Variants in OR3A2 observed in about 807,000 individuals in gnomAD.
The protein encoded by OR3A2 is olfactory receptor family 3 subfamily A member 2, also known as olfactory receptor 3A2.
For synonymous variants in OR3A2, 126 were observed against 159.3 expected (o/e 0.79, Z 1.57); for missense variants, 318 against 392.8 (o/e 0.81, Z 1.61).
chr17:3,280,761 G>A (rs1221408363), intron 1 of OR3A2, among the ~76,000 whole-genome samples: 1 of 152,226 alleles, frequency 6.6e-6, no homozygotes, highest in Non-Finnish European at 1.5e-5. Context: ...GTGAAATGCA[G>A]AGGCAGGAAT....
At chr17:3,374,427 C>T (rs1030496845) in intron 2 of OR3A2, among the ~76,000 whole-genome samples, 4 of 152,170 alleles carry the variant, frequency 2.6e-5, no homozygotes, top group African/African-American at 9.7e-5. Context: ...TTCTCAGGAA[C>T]ACCAATTATT....
intron 2 of OR3A2, among the ~76,000 whole-genome samples, chr17:3,379,893 A>G (rs1057479473): frequency 2.6e-5 from 4 of 152,108 alleles, no homozygotes; most frequent in Non-Finnish European, 5.9e-5. Flanking sequence ...GGCTTCCCAC[A>G]CACCTCGATG....
intron 2 of OR3A2, among the ~76,000 whole-genome samples, chr17:3,350,858 G>A (rs2049414226): frequency 6.9e-6 from 1 of 145,066 alleles, no homozygotes; most frequent in African/African-American, 2.5e-5. Flanking sequence ...CTTCATCCCT[G>A]GGATGCAAGG....
At chr17:3,375,162 TTTTTTTTC>T (rs2049669829) in intron 2 of OR3A2, among the ~76,000 whole-genome samples, 15 of 109,058 alleles carry the variant, frequency 1.4e-4, no homozygotes, top group African/African-American at 4.3e-4. Context: ...TTTTTTTTTT[TTTTTTTTC>T]TTTTTGAGAC....
At chr17:3,279,908 A>G (rs2048766636) in intron 1 of OR3A2, among the ~76,000 whole-genome samples, 1 of 152,224 alleles carries the variant, frequency 6.6e-6, no homozygotes, top group African/African-American at 2.4e-5. Flanking sequence ...TGGATATCAG[A>G]AAGACCAGCC....
intron 2 of OR3A2, among the ~76,000 whole-genome samples, chr17:3,343,700 C>T (rs2049339680): frequency 6.6e-6 from 1 of 152,088 alleles, no homozygotes; most frequent in Non-Finnish European, 1.5e-5. Context: ...CAGGAGTTGT[C>T]AGCACTGTAT....
At position 3,336,106 on chromosome 17, in the gene OR3A2, A is replaced by G. The variant is rs1161159207; in HGVS notation, c.-158T>C. ...CTCCTTGCCAACGCTGCCTATCTTCATTCAACATTTTGTGGCATGTCTGTG... is the reference window on the plus strand; with the variant it reads ...CTCCTTGCCAACGCTGCCTATCTTCGTTCAACATTTTGTGGCATGTCTGTG... On this transcript the variant is annotated 5_prime_UTR_variant, in exon 3 of 5. It removes an upstream start codon present in the reference 5' UTR. Coordinates refer to the OR3A2 transcript ENST00000573491. 6.6e-6 allele frequency: 1 copy of G among 152,304 alleles called. No individual in the cohort carries two copies. Among genetic ancestry groups the G allele is most frequent in the Non-Finnish European group, 1.5e-5 (1 of 68,050 alleles). The allele number at this position is 152,304 out of a possible 1,614,324, so 9.4% of individuals were successfully genotyped here.
At chr17:3,329,419 T>A (rs1056815948) in intron 3 of OR3A2, among the ~76,000 whole-genome samples, 4 of 149,720 alleles carry the variant, frequency 2.7e-5, no homozygotes, top group Non-Finnish European at 4.4e-5. Flanking sequence ...GAGATTCAAC[T>A]TCTTCCTGGT....
chr17:3,372,841 A>AGGAGGAGAGGGAGAG (rs2049642989), intron 2 of OR3A2, among the ~76,000 whole-genome samples: 6 of 98,548 alleles, frequency 6.1e-5, no homozygotes, highest in African/African-American at 2.5e-4. Context: ...AGGGAGGAGA[A>AGGAGGAGAGGGAGAG]GGAGAAGGAG....
At chr17:3,310,650 G>C (rs374236912) in intron 3 of OR3A2, 1 of 542,662 alleles carries the variant, frequency 1.8e-6, no homozygotes. Flanking sequence ...GGCTGGGGCA[G>C]ACTGCTTCTT....
chr17:3,369,638 T>G (rs1161933267), intron 2 of OR3A2, among the ~76,000 whole-genome samples: 1 of 152,180 alleles, frequency 6.6e-6, no homozygotes, highest in Non-Finnish European at 1.5e-5. Context: ...TTAGCTAGTA[T>G]TTTGTTGAGG....
chr17:3,350,665 C>A (rs1190944300), intron 2 of OR3A2, among the ~76,000 whole-genome samples: 1 of 150,544 alleles, frequency 6.6e-6, no homozygotes, highest in East Asian at 1.9e-4. Context: ...AAGAGGGAAT[C>A]CTCCCTAACT....
At chr17:3,330,703 T>C (rs2049224294) in intron 3 of OR3A2, among the ~76,000 whole-genome samples, 1 of 152,134 alleles carries the variant, frequency 6.6e-6, no homozygotes, top group African/African-American at 2.4e-5. Context: ...GAGCATTTAG[T>C]CCATTTACAT....
Position 3,292,383 on chromosome 17 carries a change from C to T in OR3A2, c.-84-13230G>A. ...CCCAACATCCAGCACTGATAGGTTC[C>T]CCAGGAAGAAGTACATGGGGGTGTG... On this transcript the variant is annotated intron_variant, in intron 3 of 4. Coordinates refer to the OR3A2 transcript ENST00000573491. 1 of 1,613,992 alleles carries T rather than the reference C, an allele frequency of 6.2e-7. No individual in the cohort carries two copies. The highest frequency in any genetic ancestry group is 8.5e-7 in the Non-Finnish European group (1 of 1,179,994).
intron 3 of OR3A2, among the ~76,000 whole-genome samples, chr17:3,333,601 C>G (rs1294137697): frequency 6.6e-6 from 1 of 152,146 alleles, no homozygotes; most frequent in Non-Finnish European, 1.5e-5. Flanking sequence ...AAATTCCTCT[C>G]TTTGTACTCT....
chr17:3,286,464 A>C (rs950068196), upstream of OR3A2, among the ~76,000 whole-genome samples: 1 of 152,162 alleles, frequency 6.6e-6, no homozygotes, highest in African/African-American at 2.4e-5. Flanking sequence ...TGGTATTTCT[A>C]GTTCTAGATC....
intron 3 of OR3A2, among the ~76,000 whole-genome samples, chr17:3,319,702 A>G (rs1377718541): frequency 6.6e-6 from 1 of 152,192 alleles, no homozygotes; most frequent in Non-Finnish European, 1.5e-5. Context: ...AAAGGACATG[A>G]ACTCATCATT....
chr17:3,373,647 AT>A (rs2049653398), intron 2 of OR3A2, among the ~76,000 whole-genome samples: 1 of 151,920 alleles, frequency 6.6e-6, no homozygotes, highest in African/African-American at 2.4e-5. Flanking sequence ...TGCATGGAAT[AT>A]TTTTTTCCAC....
chr17:3,312,780 C>G (rs955590232), intron 3 of OR3A2, among the ~76,000 whole-genome samples: 1 of 152,080 alleles, frequency 6.6e-6, no homozygotes. Flanking sequence ...CCTGCCACCA[C>G]GTCCGGCTAA....
Sources: gnomAD v4.1 joint callset for allele counts (sites outside exome capture counted in the v4.1 genomes callset) on GRCh38, gnomAD v4.1.1 for gene constraint, MANE v1.5 for transcripts, NCBI Gene and HGNC (gene_info 2026-07-23, HGNC 2026-07-21) for gene names.